Variants in ATP10A observed in about 807,000 individuals in gnomAD.
The protein encoded by ATP10A is phospholipid-transporting ATPase VA.
Under a neutral mutation model 147.8 loss-of-function variants are expected in ATP10A, and 111 were observed. The observed-to-expected ratio is 0.75, with a 90% CI of 0.64 to 0.88. ATP10A has a LOEUF of 0.88. Ranked by LOEUF, ATP10A falls within the 40% of genes least tolerant of loss-of-function variation. The pLI, the probability that ATP10A is intolerant of heterozygous loss-of-function variation, is 0.00. For missense variants in ATP10A, 1,927 were observed against 1,959.0 expected (o/e 0.98, Z 0.31); for synonymous variants, 875 against 841.6 (o/e 1.04, Z -0.69).
At chr15:25,727,754 T>C (rs901482063) in intron 3 of ATP10A, among the ~76,000 whole-genome samples, 6 of 152,262 alleles carry the variant, frequency 3.9e-5, no homozygotes, top group African/African-American at 1.4e-4. Context: ...TATAAAGTTA[T>C]TAGAAGTATT....
At chr15:25,851,281 A>G (rs1893284644) in intron 1 of ATP10A, among the ~76,000 whole-genome samples, 2 of 152,022 alleles carry the variant, frequency 1.3e-5, no homozygotes, top group Admixed American at 1.3e-4. Context: ...TTCTGAGAAG[A>G]CTTGCATGGA....
rs770392086 is a variant in ATP10A, at chr15:25,723,951, G to C, written c.1050C>G (p.Ser350Arg). 6.2e-7 allele frequency: 1 copy of C among 1,611,230 alleles called. No individual in the cohort carries two copies. The highest frequency in any genetic ancestry group is 8.5e-7 in the Non-Finnish European group (1 of 1,178,854). Residue 350 changes from serine (S) to arginine (R), a missense_variant, in exon 6 of 21, where the codon AGC (serine) becomes AGG (arginine). Physicochemically the swap from Ser to Arg is moderately radical, Grantham distance 110 (BLOSUM62 -1). Coordinates refer to ENST00000555815, the MANE Select transcript of ATP10A (RefSeq NM_024490.4). The part of the protein sequence containing the change: ...SLFYVPKSDG[S>R]SLSPVTAAVY... ...CTGCAGCTGTGACTGGGGATAAGGA[G>C]CTTCCATCAGACTTGGGGACATAAA...
intron 9 of ATP10A, among the ~76,000 whole-genome samples, chr15:25,714,519 C>G (rs534358991): frequency 6.6e-5 from 10 of 152,064 alleles, no homozygotes; most frequent in South Asian, 2.1e-4. Flanking sequence ...AGAGACAGTA[C>G]TCCTTCCTTG....
intron 1 of ATP10A, among the ~76,000 whole-genome samples, chr15:25,812,522 C>T (rs995218374): frequency 2.6e-5 from 4 of 152,184 alleles, no homozygotes; most frequent in African/African-American, 4.8e-5. Flanking sequence ...TGCATTTGTT[C>T]CTGAGCTGGT....
At position 25,794,587 on chromosome 15, in the gene ATP10A, C is replaced by T. The variant is rs1418333595; in HGVS notation, c.450-13364G>A. Among the ~76,000 whole-genome samples the T allele has an allele frequency of 2.0e-5, 3 of 152,192 alleles. No homozygotes were observed. The East Asian group carries it at 5.8e-4, about 29-fold the overall frequency. On this transcript the variant is annotated intron_variant, in intron 1 of 20. Transcript: ENST00000555815. ...ACCATGGAGACATGATTTCCCTGGG[C>T]ACAGTGTGCAGTGACCTAAGACACC...
intron 2 of ATP10A, among the ~76,000 whole-genome samples, chr15:25,756,746 C>A (rs1888436994): frequency 6.6e-6 from 1 of 152,168 alleles, no homozygotes; most frequent in South Asian, 2.1e-4. Context: ...ATCCACATTA[C>A]CTGGGTAAAT....
At chr15:25,731,372 T>A (rs1567340643) in intron 3 of ATP10A, among the ~76,000 whole-genome samples, 1 of 152,230 alleles carries the variant, frequency 6.6e-6, no homozygotes, top group African/African-American at 2.4e-5. Context: ...CACCCAAGTA[T>A]ATAAAGCAAA....
chr15:25,786,617 C>CTTTTTTT lies in ATP10A; in HGVS notation c.450-5401_450-5395dup, dbSNP rs35892408. Among the ~76,000 whole-genome samples the CTTTTTTT allele has an allele frequency of 7.3e-5, 5 of 68,902 alleles. 1 individual carries two copies. Among genetic ancestry groups the CTTTTTTT allele is most frequent in the African/African-American group, 3.1e-4 (5 of 15,924 alleles). 45.2% of individuals were successfully genotyped at this position (68,902 alleles called of 152,430 possible). On this transcript the variant is annotated intron_variant, in intron 1 of 20. Coordinates refer to ENST00000555815, the MANE Select transcript of ATP10A (RefSeq NM_024490.4). ...CTCAGCATTGAGACATCATTATCAT[C>CTTTTTTT]TTTTTTTTTTTTTTTTTTTTTTTTT...
At chr15:25,831,847 CCAGTGCCAGTAGGA>C (rs919878708) in intron 1 of ATP10A, among the ~76,000 whole-genome samples, 17 of 152,200 alleles carry the variant, frequency 1.1e-4, no homozygotes, top group African/African-American at 4.1e-4. Flanking sequence ...CAAAAACCCT[CCAGTGCCAGTAGGA>C]CAGTGCCAGT....
In ATP10A at chr15:25,855,204, A is replaced by G. The variant is rs562157777; in HGVS notation, c.449+7444T>C. 2.6e-5 allele frequency among the ~76,000 whole-genome samples: 4 copies of G among 152,320 alleles called. No individual in the cohort carries two copies. In the East Asian group the frequency reaches 7.7e-4, roughly 29 times the overall value. ...TACGGCCCCCAATCCCAAATATTGC[A>G]TATGAATTCAAATGCAAAATTCTCC... On this transcript the variant is annotated intron_variant, in intron 1 of 20. Transcript: ENST00000555815.
chr15:25,673,146 G>A (rs1220617566), downstream of ATP10A, among the ~76,000 whole-genome samples: 16 of 152,294 alleles, frequency 1.1e-4, no homozygotes, highest in African/African-American at 2.4e-4. Context: ...GTGGTCAGCC[G>A]TCAGGATGAA....
chr15:25,858,963 C>G (rs1391447178), intron 1 of ATP10A, among the ~76,000 whole-genome samples: 1 of 152,184 alleles, frequency 6.6e-6, no homozygotes, highest in Admixed American at 6.5e-5. Flanking sequence ...AGGTCCTCCT[C>G]CAGCAGCACC....
Position 25,777,096 on chromosome 15 carries a change from C to CGTGTGTGT in ATP10A, c.654+3915_654+3922dup, listed in dbSNP as rs34174555. Among the ~76,000 whole-genome samples the CGTGTGTGT allele has an allele frequency of 3.4e-3, 516 of 149,784 alleles. 1 individual carries two copies. Among genetic ancestry groups the CGTGTGTGT allele is most frequent in the South Asian group, 0.018 (86 of 4,704 alleles). On this transcript the variant is annotated intron_variant, in intron 2 of 20. Coordinates refer to ENST00000555815, the MANE Select transcript of ATP10A (RefSeq NM_024490.4). ...GTGCATGCGTGTGTGTGCATACGTG[C>CGTGTGTGT]GTGTGTGTGTGTGTGTGTGTGTACC...
At chr15:25,748,030 T>G (rs1887938482) in intron 2 of ATP10A, among the ~76,000 whole-genome samples, 1 of 152,188 alleles carries the variant, frequency 6.6e-6, no homozygotes, top group Admixed American at 6.5e-5. Context: ...AGTGGCGATC[T>G]TGGCTCACTG....
downstream of ATP10A, among the ~76,000 whole-genome samples, chr15:25,674,527 C>T (rs565726785): frequency 5.2e-4 from 79 of 152,286 alleles, no homozygotes; most frequent in Non-Finnish European, 8.5e-4. Context: ...TTAAAATTCA[C>T]GGCTTCGGGA....
chr15:25,763,018 G>C lies in ATP10A; in HGVS notation c.654+18001C>G, dbSNP rs146429190. Among the ~76,000 whole-genome samples the C allele has an allele frequency of 5.3e-3, 805 of 151,868 alleles. 4 individuals carry two copies. The highest frequency in any genetic ancestry group is 0.019 in the African/African-American group (772 of 41,410). On this transcript the variant is annotated intron_variant, in intron 2 of 20. Coordinates refer to ENST00000555815, the MANE Select transcript of ATP10A (RefSeq NM_024490.4). ...GTGACACACATTTTCCCAAACTTTT[G>C]GTTTTTTGAAAGACTCTTACTGAGC...
chr15:25,762,754 A>G (rs937496895), intron 2 of ATP10A, among the ~76,000 whole-genome samples: 3 of 151,360 alleles, frequency 2.0e-5, no homozygotes, highest in African/African-American at 7.3e-5. Context: ...TAAGTTGTAA[A>G]TTTTCTGTAG....
At chr15:25,797,317 G>T (rs1221838672) in intron 1 of ATP10A, among the ~76,000 whole-genome samples, 1 of 152,144 alleles carries the variant, frequency 6.6e-6, no homozygotes, top group East Asian at 1.9e-4. Context: ...AATTTTTTCA[G>T]AAAAGAATTC....
At chr15:25,843,677 T>C (rs918602331) in intron 1 of ATP10A, among the ~76,000 whole-genome samples, 9 of 152,014 alleles carry the variant, frequency 5.9e-5, no homozygotes, top group African/African-American at 1.9e-4. Flanking sequence ...GTAGAAAAGG[T>C]CCTTTGGGGA....
Sources: allele counts gnomAD v4.1 joint callset (sites outside exome capture counted in the v4.1 genomes callset), GRCh38; gene constraint gnomAD v4.1.1; transcripts MANE v1.5; gene names NCBI Gene and HGNC (gene_info 2026-07-23, HGNC 2026-07-21).